Variants in ARHGAP22 observed in about 807,000 individuals in gnomAD.
ARHGAP22 encodes the protein Rho GTPase activating protein 22.
A neutral mutation model predicts 59.1 loss-of-function variants in ARHGAP22; 48 were observed. The ratio of observed to expected loss-of-function variants is 0.81; its 90% confidence interval spans 0.64 to 1.03. The LOEUF (loss-of-function observed/expected upper bound fraction) is 1.03. ARHGAP22 is among the 50% of genes least tolerant of loss of function. The pLI, the probability that ARHGAP22 is intolerant of heterozygous loss-of-function variation, is 0.00. For missense variants in ARHGAP22, 1,015 were observed against 958.7 expected, an observed-to-expected ratio of 1.06 and a Z score of -0.78; for synonymous variants, 445 against 416.4, an observed-to-expected ratio of 1.07 and a Z score of -0.84.
chr10:48,640,634 T>C (rs1024378545), intron 1 of ARHGAP22, among the ~76,000 whole-genome samples: 1 of 152,172 alleles, frequency 6.6e-6, no homozygotes, highest in African/African-American at 2.4e-5. Flanking sequence ...AAATATATCC[T>C]TCAAAATGAA....
intron 1 of ARHGAP22, chr10:48,652,157 C>T (rs566897513): frequency 1.1e-4 from 146 of 1,382,708 alleles, no homozygotes; most frequent in Middle Eastern, 1.9e-4. Flanking sequence ...AGACAGCCTC[C>T]GGGGACCCCA....
intron 1 of ARHGAP22, among the ~76,000 whole-genome samples, chr10:48,650,954 C>T (rs984927031): frequency 1.3e-5 from 2 of 152,148 alleles, no homozygotes; most frequent in Non-Finnish European, 2.9e-5. Flanking sequence ...TAGCCCACTC[C>T]GTTCTTCATG....
At chr10:48,485,795 T>C (rs557576534) in intron 3 of ARHGAP22, among the ~76,000 whole-genome samples, 220 of 152,332 alleles carry the variant, frequency 1.4e-3, no homozygotes, top group Non-Finnish European at 2.6e-3. Context: ...AAATCCTTGA[T>C]ATAAATATAG....
At chr10:48,652,267 T>A in exon 1 of ARHGAP22, 1 of 1,535,722 alleles carries the variant, frequency 6.5e-7, no homozygotes. Flanking sequence ...CTCCTTTTGC[T>A]GGAAGCTGTC....
At chr10:48,483,736 G>C (rs1409858895) in intron 3 of ARHGAP22, among the ~76,000 whole-genome samples, 2 of 152,028 alleles carry the variant, frequency 1.3e-5, no homozygotes, top group Non-Finnish European at 2.9e-5. Context: ...TTAATGGGTT[G>C]TTTTGCCAGC....
At chr10:48,559,911 A>G (rs968605888) in intron 2 of ARHGAP22, among the ~76,000 whole-genome samples, 7 of 152,174 alleles carry the variant, frequency 4.6e-5, no homozygotes, top group African/African-American at 1.4e-4. Flanking sequence ...TTTTTATCAA[A>G]TATATGTGAT....
intron 1 of ARHGAP22, among the ~76,000 whole-genome samples, chr10:48,589,919 G>A (rs764065735): frequency 3.3e-5 from 5 of 152,092 alleles, no homozygotes; most frequent in Non-Finnish European, 5.9e-5. Context: ...TCCAGCCCCA[G>A]CCTGGCAATC....
Position 48,526,127 on chromosome 10 carries a change from A to G in ARHGAP22, c.322+29336T>C, listed in dbSNP as rs200709763. ...CTCCCTCCCTCCCTACCACAATTCCATTTGGGGAGAACAGAGGTGGTCTCA... is the reference window on the plus strand; with the variant it reads ...CTCCCTCCCTCCCTACCACAATTCCGTTTGGGGAGAACAGAGGTGGTCTCA... On this transcript the variant is annotated intron_variant, in intron 3 of 9. Coordinates refer to ENST00000249601, the MANE Select transcript of ARHGAP22 (RefSeq NM_021226.4). 8.5e-5 allele frequency among the ~76,000 whole-genome samples: 13 copies of G among 152,060 alleles called. No homozygotes were observed. The East Asian group carries it at 2.1e-3, about 25-fold the overall frequency.
chr10:48,546,545 T>G (rs2056452845), intron 3 of ARHGAP22: 1 of 157,392 alleles, frequency 6.4e-6, no homozygotes, highest in Non-Finnish European at 1.4e-5. Context: ...CAATTGGTGT[T>G]GCAACATAGG....
At chr10:48,534,930 C>G (rs2055204355) in intron 3 of ARHGAP22, among the ~76,000 whole-genome samples, 1 of 152,196 alleles carries the variant, frequency 6.6e-6, no homozygotes, top group Admixed American at 6.5e-5. Context: ...GTCCTGCACA[C>G]CTTTTAAGGC....
In ARHGAP22 at chr10:48,490,435, C is replaced by T. The variant is rs2050272002; in HGVS notation, c.323-10671G>A. Among the ~76,000 whole-genome samples the T allele has an allele frequency of 2.0e-5, 3 of 152,146 alleles. No individual in the cohort carries two copies. In the South Asian group the frequency reaches 6.2e-4, roughly 32 times the overall value. On this transcript the variant is annotated intron_variant, in intron 3 of 9. Transcript: ENST00000249601. ...TATGACAGCCAACAGTGTCTCCATA[C>T]ATTGTCAAATGTCCCTTGGAGCCCA...
At chr10:48,574,211 C>T (rs1216007340) in intron 2 of ARHGAP22, among the ~76,000 whole-genome samples, 1 of 150,178 alleles carries the variant, frequency 6.7e-6, no homozygotes, top group African/African-American at 2.5e-5. Context: ...ACTATGCACT[C>T]ATTCATTCCA....
the ARHGAP22 span, among the ~76,000 whole-genome samples, chr10:48,432,970 A>C: frequency 6.6e-6 from 1 of 152,230 alleles, no homozygotes; most frequent in Non-Finnish European, 1.5e-5. Context: ...AGATAACCAC[A>C]GTACCATTTC....
chr10:48,438,729 GT>G, the ARHGAP22 span: 3 of 152,154 alleles, frequency 2.0e-5, no homozygotes, highest in Admixed American at 6.5e-5. Context: ...TCTAGCCAAT[GT>G]TGACACAATA....
chr10:48,646,865 A>C (rs1386748540), intron 1 of ARHGAP22, among the ~76,000 whole-genome samples: 1 of 152,232 alleles, frequency 6.6e-6, no homozygotes, highest in Middle Eastern at 3.2e-3. Flanking sequence ...GATTCATAAA[A>C]GAAAAGATAG....
intron 3 of ARHGAP22, among the ~76,000 whole-genome samples, chr10:48,531,257 TG>T (rs1191220119): frequency 6.6e-6 from 1 of 152,112 alleles, no homozygotes; most frequent in East Asian, 1.9e-4. Context: ...CAATGGACTT[TG>T]GGGAATTGGG....
At chr10:48,506,019 C>T (rs2052090516) in intron 3 of ARHGAP22, among the ~76,000 whole-genome samples, 1 of 152,164 alleles carries the variant, frequency 6.6e-6, no homozygotes, top group Admixed American at 6.5e-5. Flanking sequence ...TTGATTTGGC[C>T]ACCACGTATC....
chr10:48,644,256 A>T (rs1474720745), intron 1 of ARHGAP22, among the ~76,000 whole-genome samples: 1 of 152,254 alleles, frequency 6.6e-6, no homozygotes. Flanking sequence ...ATGTATGGAG[A>T]TAACATGAGA....
chr10:48,482,850 G>A (rs996997974), intron 3 of ARHGAP22, among the ~76,000 whole-genome samples: 4 of 151,860 alleles, frequency 2.6e-5, no homozygotes, highest in Non-Finnish European at 5.9e-5. Flanking sequence ...GTTAACTATT[G>A]TTACTCTACC....
Sources: allele counts gnomAD v4.1 joint callset (sites outside exome capture counted in the v4.1 genomes callset), GRCh38; gene constraint gnomAD v4.1.1; transcripts MANE v1.5; gene names NCBI Gene and HGNC (gene_info 2026-07-23, HGNC 2026-07-21).